Variants in MAN1A1 observed in about 807,000 individuals in gnomAD.
The protein encoded by MAN1A1 is mannosyl-oligosaccharide 1,2-alpha-mannosidase IA.
MAN1A1 carries 29 observed loss-of-function variants against 70.8 expected under a neutral mutation model. That is an observed-to-expected ratio of 0.41 (90% CI 0.31 to 0.56). MAN1A1 has a LOEUF of 0.56. MAN1A1 is among the 20% of genes least tolerant of loss of function. MAN1A1 has a pLI of 0.29. For synonymous variants in MAN1A1, 349 were observed against 330.1 expected, an observed-to-expected ratio of 1.06 and a Z score of -0.62; for missense variants, 747 against 841.3, an observed-to-expected ratio of 0.89 and a Z score of 1.39.
At chr6:119,187,831 T>G (rs1157714464) in intron 11 of MAN1A1, among the ~76,000 whole-genome samples, 1 of 152,186 alleles carries the variant, frequency 6.6e-6, no homozygotes, top group Non-Finnish European at 1.5e-5. Context: ...GGAGGTATAC[T>G]ATCCTCAGCA....
intron 4 of MAN1A1, among the ~76,000 whole-genome samples, chr6:119,294,099 C>T (rs1772130396): frequency 6.6e-6 from 1 of 152,048 alleles, no homozygotes; most frequent in Non-Finnish European, 1.5e-5. Flanking sequence ...CATAAATACT[C>T]ATCTTCTTTG....
chr6:119,275,569 G>A (rs1028143188), intron 5 of MAN1A1, among the ~76,000 whole-genome samples: 27 of 150,278 alleles, frequency 1.8e-4, no homozygotes, highest in Non-Finnish European at 3.1e-4. Context: ...GCCTCCCAAA[G>A]TGCTGGGATT....
chr6:119,298,393 T>A (rs1323173029), intron 4 of MAN1A1, among the ~76,000 whole-genome samples: 4 of 152,156 alleles, frequency 2.6e-5, no homozygotes, highest in African/African-American at 9.7e-5. Context: ...GGAAATGAGT[T>A]TTAGTTAATT....
intron 8 of MAN1A1, among the ~76,000 whole-genome samples, chr6:119,199,807 G>A (rs1245344657): frequency 6.6e-6 from 1 of 152,160 alleles, no homozygotes; most frequent in East Asian, 1.9e-4. Flanking sequence ...AGCTACTCGG[G>A]GCGGGGGGCC....
chr6:119,182,369 G>A (rs1310193177), intron 11 of MAN1A1, among the ~76,000 whole-genome samples: 1 of 152,108 alleles, frequency 6.6e-6, no homozygotes, highest in African/African-American at 2.4e-5. Flanking sequence ...GTAGTTTCAT[G>A]TGTTTATGTT....
intron 5 of MAN1A1, among the ~76,000 whole-genome samples, chr6:119,279,458 A>T (rs1314944171): frequency 6.6e-6 from 1 of 152,226 alleles, no homozygotes; most frequent in African/African-American, 2.4e-5. Context: ...TGGAAAAAGC[A>T]TCATACGTTT....
At chr6:119,247,472 T>G (rs1280441091) in intron 6 of MAN1A1, among the ~76,000 whole-genome samples, 2 of 152,210 alleles carry the variant, frequency 1.3e-5, no homozygotes, top group Non-Finnish European at 2.9e-5. Flanking sequence ...CTATCATCAC[T>G]GTCTCATCAT....
intron 4 of MAN1A1, among the ~76,000 whole-genome samples, chr6:119,291,417 C>A (rs1582774090): frequency 1.3e-5 from 2 of 151,974 alleles, no homozygotes; most frequent in East Asian, 3.9e-4. Context: ...AATTTTGACT[C>A]CTAAACAAAA....
At chr6:119,347,013 T>A (rs1773747000) in intron 2 of MAN1A1, among the ~76,000 whole-genome samples, 1 of 152,240 alleles carries the variant, frequency 6.6e-6, no homozygotes, top group Admixed American at 6.5e-5. Context: ...TAGACAGTTG[T>A]TCTGGAAAGT....
chr6:119,183,425 T>G (rs1347098106), intron 11 of MAN1A1, among the ~76,000 whole-genome samples: 6 of 150,954 alleles, frequency 4.0e-5, no homozygotes, highest in Non-Finnish European at 7.4e-5. Context: ...TGACAAAGAG[T>G]CAAATACCAG....
intron 6 of MAN1A1, among the ~76,000 whole-genome samples, chr6:119,242,491 C>G (rs781292547): frequency 2.0e-5 from 3 of 152,116 alleles, no homozygotes; most frequent in Non-Finnish European, 4.4e-5. Flanking sequence ...AGGTCAGGAG[C>G]ACTGATAGCT....
At chr6:119,303,118 A>C (rs1772438815) in intron 3 of MAN1A1, among the ~76,000 whole-genome samples, 1 of 152,126 alleles carries the variant, frequency 6.6e-6, no homozygotes, top group Non-Finnish European at 1.5e-5. Flanking sequence ...TCCTAGGCAC[A>C]AGTGATTCTC....
chr6:119,267,717 T>C (rs1775797434), intron 5 of MAN1A1, among the ~76,000 whole-genome samples: 1 of 152,182 alleles, frequency 6.6e-6, no homozygotes, highest in African/African-American at 2.4e-5. Context: ...AGTAACCACA[T>C]CCTGGCATTT....
At chr6:119,300,963 A>G (rs1458812153) in intron 4 of MAN1A1, among the ~76,000 whole-genome samples, 1 of 152,236 alleles carries the variant, frequency 6.6e-6, no homozygotes, top group Admixed American at 6.5e-5. Context: ...ACTTAGCTTT[A>G]CTGATCCTTA....
chr6:119,334,773 T>G (rs930448253), intron 2 of MAN1A1, among the ~76,000 whole-genome samples: 7 of 152,260 alleles, frequency 4.6e-5, no homozygotes, highest in African/African-American at 1.7e-4. Flanking sequence ...AAGCACCATA[T>G]GCCTAATTAT....
At chr6:119,267,934 G>C (rs1775804551) in intron 5 of MAN1A1, among the ~76,000 whole-genome samples, 1 of 152,138 alleles carries the variant, frequency 6.6e-6, no homozygotes, top group Admixed American at 6.6e-5. Flanking sequence ...GACTGCATAT[G>C]TATGGTGGAG....
intron 12 of MAN1A1, 69 bp from the exon 13 acceptor site, chr6:119,180,014 C>A: frequency 6.8e-7 from 1 of 1,471,848 alleles, no homozygotes; most frequent in East Asian, 2.3e-5. Flanking sequence ...AAACACACAG[C>A]AAAAACCACA....
intron 4 of MAN1A1, among the ~76,000 whole-genome samples, chr6:119,291,481 C>G (rs72964499): frequency 0.12 from 17,481 of 151,956 alleles, 1,103 homozygotes; most frequent in Non-Finnish European, 0.14. Flanking sequence ...ACAGCAGATA[C>G]AATATTTGAT....
intron 2 of MAN1A1, among the ~76,000 whole-genome samples, chr6:119,313,408 T>G (rs981344101): frequency 6.6e-5 from 10 of 152,176 alleles, no homozygotes; most frequent in Non-Finnish European, 1.5e-5. Flanking sequence ...CCATGATAGT[T>G]TCCAATTTTA....
Sources: gnomAD v4.1 joint callset for allele counts (sites outside exome capture counted in the v4.1 genomes callset) on GRCh38, gnomAD v4.1.1 for gene constraint, MANE v1.5 for transcripts, NCBI Gene and HGNC (gene_info 2026-07-23, HGNC 2026-07-21) for gene names.